Variants in CCDC30 observed in about 807,000 individuals in gnomAD.
The protein encoded by CCDC30 is coiled-coil domain-containing protein 30.
Under a neutral mutation model 100.2 loss-of-function variants are expected in CCDC30, and 70 were observed. The ratio of observed to expected loss-of-function variants is 0.70; its 90% confidence interval spans 0.58 to 0.85. The LOEUF is 0.85. CCDC30 is among the 40% of genes least tolerant of loss of function. The probability of loss-of-function intolerance (pLI) is 0.00; values close to 1 mark genes in which losing one functional copy is unlikely to be tolerated. For missense variants in CCDC30, 652 were observed against 771.2 expected (o/e 0.85, Z 1.83); for synonymous variants, 233 against 269.5 (o/e 0.86, Z 1.33).
chr1:42,536,939 C>A (rs946523549), intron 6 of CCDC30: 1 of 357,258 alleles, frequency 2.8e-6, no homozygotes, highest in South Asian at 2.5e-5. Flanking sequence ...GGATTAAGGC[C>A]CCACCCTTAT....
At chr1:42,539,029 C>T (rs2148524368) in intron 6 of CCDC30, 144 bp from the exon 8 acceptor site, 6 of 517,702 alleles carry the variant, frequency 1.2e-5, no homozygotes, top group East Asian at 3.4e-5. Flanking sequence ...AGAAAGGCAT[C>T]GGTCTGCCAG....
intron 13 of CCDC30, among the ~76,000 whole-genome samples, chr1:42,644,059 C>A (rs1647667729): frequency 1.3e-5 from 2 of 152,050 alleles, no homozygotes; most frequent in African/African-American, 4.8e-5. Flanking sequence ...AGTTTATTAA[C>A]TTTTACTTGG....
intron 6 of CCDC30, among the ~76,000 whole-genome samples, chr1:42,535,720 A>ATATATAT (rs1644889453): frequency 8.3e-4 from 1 of 1,206 alleles, no homozygotes; most frequent in African/African-American, 2.9e-3. Flanking sequence ...TATATATATA[A>ATATATAT]ATTTTAAAAA....
chr1:42,546,155 G>T (rs150160774), intron 6 of CCDC30, among the ~76,000 whole-genome samples: 1 of 151,022 alleles, frequency 6.6e-6, no homozygotes. Flanking sequence ...GGAGGCCAAG[G>T]CGGGCGGATC....
chr1:42,640,466 C>G (rs1238551745), intron 12 of CCDC30, among the ~76,000 whole-genome samples: 1 of 152,176 alleles, frequency 6.6e-6, no homozygotes, highest in African/African-American at 2.4e-5. Context: ...CTTACCAATA[C>G]ATTATTAATT....
intron 11 of CCDC30, among the ~76,000 whole-genome samples, chr1:42,631,893 C>T (rs894293304): frequency 6.6e-6 from 1 of 152,122 alleles, no homozygotes; most frequent in Non-Finnish European, 1.5e-5. Flanking sequence ...CCTTCTGGCC[C>T]AGGGCATGTC....
intron 11 of CCDC30, among the ~76,000 whole-genome samples, chr1:42,617,057 A>G (rs1646739671): frequency 6.6e-6 from 1 of 152,322 alleles, no homozygotes. Context: ...AGATGCTTAT[A>G]AAAGGAATTA....
In CCDC30 at chr1:42,538,968, A is replaced by T. The variant is rs574853645; in HGVS notation, c.457-27328A>T. ...TGAATGATAGAAACTAAGAATGCTC[A>T]GTTTATTTAATTGATTTAATTGATT... On this transcript the variant is annotated intron_variant, in intron 6 of 16. Transcript: ENST00000668663. 5.3e-5 allele frequency among the ~76,000 whole-genome samples: 8 copies of T among 152,348 alleles called. No individual in the cohort carries two copies. In the South Asian group the frequency reaches 1.7e-3, roughly 32 times the overall value.
chr1:42,513,170 T>C (rs1228934073), intron 6 of CCDC30, among the ~76,000 whole-genome samples: 1 of 151,916 alleles, frequency 6.6e-6, no homozygotes. Context: ...TGGACATACA[T>C]GGGTGGGTTA....
intron 6 of CCDC30, among the ~76,000 whole-genome samples, chr1:42,533,310 G>T (rs1644836289): frequency 6.6e-6 from 1 of 152,276 alleles, no homozygotes. Context: ...GCATGCCTGG[G>T]CATGTAGTAA....
chr1:42,639,131 T>C (rs749828301), intron 12 of CCDC30, among the ~76,000 whole-genome samples: 1 of 152,166 alleles, frequency 6.6e-6, no homozygotes, highest in African/African-American at 2.4e-5. Flanking sequence ...TGTGACCTTA[T>C]ATAGAAATAG....
At chr1:42,591,245 G>A (rs910558715) in intron 10 of CCDC30, 1 of 152,224 alleles carries the variant, frequency 6.6e-6, no homozygotes, top group Non-Finnish European at 1.5e-5. Context: ...ATGGGAAAAG[G>A]CCTCAAAGGC....
intron 6 of CCDC30, among the ~76,000 whole-genome samples, chr1:42,557,722 ATAAAATATT>A (rs1376623517): frequency 6.8e-6 from 1 of 147,922 alleles, no homozygotes; most frequent in Non-Finnish European, 1.5e-5. Flanking sequence ...TATGTAAATA[ATAAAATATT>A]TAAAATTTTA....
intron 6 of CCDC30, among the ~76,000 whole-genome samples, chr1:42,519,537 G>GTTGT (rs373936310): frequency 2.6e-5 from 4 of 151,722 alleles, no homozygotes; most frequent in Non-Finnish European, 4.4e-5. Context: ...TTTCTTTTTT[G>GTTGT]TTGTTTGTTT....
At chr1:42,634,055 C>T (rs1384901619) in intron 11 of CCDC30, among the ~76,000 whole-genome samples, 1 of 152,050 alleles carries the variant, frequency 6.6e-6, no homozygotes, top group Non-Finnish European at 1.5e-5. Flanking sequence ...CCCCATGATT[C>T]AATTACCTCC....
At chr1:42,545,618 A>G in intron 6 of CCDC30, 39 bp downstream of exon 9, 1 of 1,538,440 alleles carries the variant, frequency 6.5e-7, no homozygotes, top group Non-Finnish European at 8.8e-7. Flanking sequence ...AATTATTCAG[A>G]GAGGGTATAT....
chr1:42,543,104 G>A (rs567101867), intron 6 of CCDC30, among the ~76,000 whole-genome samples: 4 of 151,862 alleles, frequency 2.6e-5, no homozygotes, highest in Admixed American at 2.0e-4. Flanking sequence ...CTTCTGAGTA[G>A]CTGGGACTAC....
At chr1:42,603,615 C>T (rs906954718) in intron 10 of CCDC30, among the ~76,000 whole-genome samples, 4 of 152,216 alleles carry the variant, frequency 2.6e-5, no homozygotes, top group Non-Finnish European at 5.9e-5. Context: ...ATCCAGAGCA[C>T]TGACAACACC....
At chr1:42,620,464 G>T (rs973994609) in intron 11 of CCDC30, among the ~76,000 whole-genome samples, 1 of 152,042 alleles carries the variant, frequency 6.6e-6, no homozygotes, top group African/African-American at 2.4e-5. Flanking sequence ...AGGAAGAGCT[G>T]CCTGCAGGGA....
Sources: allele counts gnomAD v4.1 joint callset (sites outside exome capture counted in the v4.1 genomes callset), GRCh38; gene constraint gnomAD v4.1.1; transcripts MANE v1.5; gene names NCBI Gene and HGNC (gene_info 2026-07-23, HGNC 2026-07-21).